Variants in ACAP2 observed in about 807,000 individuals in gnomAD.
ACAP2 encodes ArfGAP with coiled-coil, ankyrin repeat and PH domains 2.
ACAP2 carries 39 observed loss-of-function variants against 115.8 expected under a neutral mutation model. The ratio of observed to expected loss-of-function variants is 0.34; its 90% CI spans 0.26 to 0.44. The LOEUF (loss-of-function observed/expected upper bound fraction) is 0.44, where lower values mean the gene tolerates loss of function less well. Ranked by LOEUF, ACAP2 falls within the 20% of genes least tolerant of loss-of-function variation. The pLI, the probability that ACAP2 is intolerant of heterozygous loss-of-function variation, is 1.00. For missense variants in ACAP2, 662 were observed against 927.6 expected (o/e 0.71, Z 3.72); for synonymous variants, 289 against 315.8 (o/e 0.92, Z 0.90).
intron 1 of ACAP2, among the ~76,000 whole-genome samples, chr3:195,433,706 G>A (rs550273120): frequency 6.0e-4 from 92 of 152,264 alleles, no homozygotes; most frequent in Middle Eastern, 3.4e-3. Flanking sequence ...AGATGATTGT[G>A]TTGTTTTAAT....
intron 4 of ACAP2, among the ~76,000 whole-genome samples, chr3:195,354,871 C>T (rs1035106975): frequency 1.3e-5 from 2 of 152,118 alleles, no homozygotes; most frequent in East Asian, 3.8e-4. Context: ...TATTTACTGG[C>T]TTTGTTTTGG....
At chr3:195,297,020 C>T (rs1577252951) in intron 16 of ACAP2, among the ~76,000 whole-genome samples, 170 bp downstream of exon 16, 1 of 152,158 alleles carries the variant, frequency 6.6e-6, no homozygotes, top group East Asian at 1.9e-4. Context: ...CTGTTCAATA[C>T]AATATAATTA....
chr3:195,417,711 G>C (rs1370620348), intron 1 of ACAP2, among the ~76,000 whole-genome samples: 1 of 152,122 alleles, frequency 6.6e-6, no homozygotes, highest in Non-Finnish European at 1.5e-5. Context: ...ACTTTGGGAG[G>C]CCAAGGTAGG....
intron 2 of ACAP2, among the ~76,000 whole-genome samples, chr3:195,387,590 C>T (rs753797380): frequency 1.3e-5 from 2 of 152,098 alleles, no homozygotes; most frequent in African/African-American, 4.8e-5. Context: ...GGCGCACGCA[C>T]ACAACCACGC....
Position 195,279,315 on chromosome 3 carries a change from T to C in ACAP2, c.*13A>G, listed in dbSNP as rs1398664542. On this transcript the variant is annotated 3_prime_UTR_variant, in exon 23 of 23. Coordinates refer to ENST00000326793, the MANE Select transcript of ACAP2 (RefSeq NM_012287.6). ...GGTCACCAGATTTCATATTTTCCCA[T>C]TTTTAAAAAAATTCAGAATTTCTGT... is the stretch of plus-strand genomic sequence containing the variant. 3.8e-6 allele frequency: 6 copies of C among 1,570,500 alleles called. No homozygotes were observed. The highest frequency in any genetic ancestry group is 5.2e-6 in the Non-Finnish European group (6 of 1,149,922).
intron 1 of ACAP2, among the ~76,000 whole-genome samples, chr3:195,425,328 T>A (rs763045600): frequency 5.0e-4 from 76 of 152,206 alleles, no homozygotes; most frequent in Non-Finnish European, 8.2e-4. Flanking sequence ...CATATATTAC[T>A]TATCGTTTTG....
chr3:195,412,587 G>T (rs1291449285), intron 1 of ACAP2, among the ~76,000 whole-genome samples: 1 of 151,896 alleles, frequency 6.6e-6, no homozygotes, highest in Non-Finnish European at 1.5e-5. Context: ...CTCCAGCCTG[G>T]GTGACAGAGC....
chr3:195,352,511 G>A (rs762017321), intron 4 of ACAP2, among the ~76,000 whole-genome samples: 14 of 152,102 alleles, frequency 9.2e-5, no homozygotes, highest in Admixed American at 2.6e-4. Context: ...CAAACTAGCC[G>A]TTTTACACCT....
At chr3:195,400,778 T>C (rs1712217928) in intron 1 of ACAP2, among the ~76,000 whole-genome samples, 1 of 152,258 alleles carries the variant, frequency 6.6e-6, no homozygotes, top group South Asian at 2.1e-4. Context: ...AAGAACATTG[T>C]GGCTGATAAT....
chr3:195,334,581 A>G (rs1262254981), intron 7 of ACAP2, among the ~76,000 whole-genome samples: 1 of 152,172 alleles, frequency 6.6e-6, no homozygotes, highest in Non-Finnish European at 1.5e-5. Context: ...TATGAGGTAC[A>G]TAAGTGGCCA....
At position 195,430,821 on chromosome 3, in the gene ACAP2, T is replaced by A. The variant is rs143878949; in HGVS notation, c.53+11974A>T. ...GCGAAAGAAATATGGAGGCTCAACATGTATTTTCTATTCCACCTATGCGTT... is the reference window on the plus strand; with the variant it reads ...GCGAAAGAAATATGGAGGCTCAACAAGTATTTTCTATTCCACCTATGCGTT... On this transcript the variant is annotated intron_variant, in intron 1 of 22. Coordinates refer to ENST00000326793, the MANE Select transcript of ACAP2 (RefSeq NM_012287.6). 2.4e-4 allele frequency among the ~76,000 whole-genome samples: 37 copies of A among 152,324 alleles called. No individual in the cohort carries two copies. In the East Asian group the frequency reaches 4.2e-3, roughly 17 times the overall value.
At chr3:195,402,541 T>A (rs1319111630) in intron 1 of ACAP2, among the ~76,000 whole-genome samples, 2 of 152,226 alleles carry the variant, frequency 1.3e-5, no homozygotes, top group African/African-American at 4.8e-5. Context: ...TATAACTTTT[T>A]AAGTTGACAG....
Position 195,414,963 on chromosome 3 carries a change from C to T in ACAP2, c.54-22816G>A, listed in dbSNP as rs906932162. 7.9e-5 allele frequency among the ~76,000 whole-genome samples: 12 copies of T among 152,086 alleles called. No homozygotes were observed. In the South Asian group the frequency reaches 2.3e-3, roughly 29 times the overall value. On this transcript the variant is annotated intron_variant, in intron 1 of 22. Coordinates refer to ENST00000326793, the MANE Select transcript of ACAP2 (RefSeq NM_012287.6). ...GAGACAGTAAAAATATCAGTAGCTG[C>T]TGGGAGTTGGGGTAAAGGGAGGGAT...
intron 10 of ACAP2, among the ~76,000 whole-genome samples, chr3:195,309,903 CAAT>C (rs1475065668): frequency 6.6e-6 from 1 of 151,802 alleles, no homozygotes; most frequent in Non-Finnish European, 1.5e-5. Flanking sequence ...TTTATTAAAA[CAAT>C]AAAAGACCTA....
chr3:195,346,117 G>A (rs1476440798), intron 4 of ACAP2, among the ~76,000 whole-genome samples: 1 of 152,058 alleles, frequency 6.6e-6, no homozygotes, highest in Non-Finnish European at 1.5e-5. Context: ...GTTTTCTCCT[G>A]AATACTACAT....
chr3:195,315,832 T>C (rs1297298072), intron 10 of ACAP2, among the ~76,000 whole-genome samples: 5 of 152,198 alleles, frequency 3.3e-5, no homozygotes, highest in Non-Finnish European at 7.4e-5. Flanking sequence ...CCTTACTTGA[T>C]TTTAGCTGCA....
At chr3:195,312,665 TA>T (rs111466986) in intron 10 of ACAP2, among the ~76,000 whole-genome samples, 3,357 of 148,810 alleles carry the variant, frequency 0.023, 119 homozygotes, top group East Asian at 0.11. Context: ...AAGATATGTT[TA>T]AAAAAAAAAG....
chr3:195,306,226 T>G (rs1361311079), intron 13 of ACAP2, among the ~76,000 whole-genome samples: 1 of 152,194 alleles, frequency 6.6e-6, no homozygotes, highest in Non-Finnish European at 1.5e-5. Context: ...TTAACTAAAA[T>G]GGCACAATAC....
chr3:195,349,182 C>A (rs1731377791), intron 4 of ACAP2, among the ~76,000 whole-genome samples: 1 of 151,752 alleles, frequency 6.6e-6, no homozygotes, highest in African/African-American at 2.4e-5. Context: ...AGAAACTGAA[C>A]ATTAAAAAAA....
Sources: gnomAD v4.1 joint callset for allele counts (sites outside exome capture counted in the v4.1 genomes callset) on GRCh38, gnomAD v4.1.1 for gene constraint, MANE v1.5 for transcripts, NCBI Gene and HGNC (gene_info 2026-07-23, HGNC 2026-07-21) for gene names.